MYO1D: variants seen among roughly 807,000 people sequenced by gnomAD.
MYO1D encodes the protein myosin ID.
MYO1D carries 83 observed loss-of-function variants against 122.0 expected under a neutral mutation model. That is an observed-to-expected ratio of 0.68 (90% CI 0.57 to 0.82). The LOEUF is 0.82. MYO1D is among the 40% of genes least tolerant of loss of function. The pLI, the probability that MYO1D is intolerant of heterozygous loss-of-function variation, is 0.00. For missense variants in MYO1D, 1,157 were observed against 1,269.5 expected (o/e 0.91, Z 1.35); for synonymous variants, 464 against 446.9 (o/e 1.04, Z -0.48).
At chr17:32,677,129 G>A (rs1397158216) in intron 16 of MYO1D, among the ~76,000 whole-genome samples, 2 of 152,008 alleles carry the variant, frequency 1.3e-5, no homozygotes, top group Non-Finnish European at 2.9e-5. Context: ...AAATTTTTAC[G>A]CAGGAATATC....
chr17:32,576,777 C>A (rs2087282385), intron 21 of MYO1D, among the ~76,000 whole-genome samples: 1 of 152,214 alleles, frequency 6.6e-6, no homozygotes, highest in South Asian at 2.1e-4. Context: ...TCGCCTCAGG[C>A]TCTCAAGTAG....
intron 16 of MYO1D, among the ~76,000 whole-genome samples, chr17:32,679,832 T>C (rs2088882044): frequency 1.3e-5 from 2 of 150,942 alleles, no homozygotes; most frequent in South Asian, 4.2e-4. Flanking sequence ...TGGCATTGAA[T>C]CTGTAAATGA....
chr17:32,603,070 T>TAAA (rs3040377), intron 21 of MYO1D, among the ~76,000 whole-genome samples: 4,809 of 148,446 alleles, frequency 0.032, 260 homozygotes, highest in African/African-American at 0.11. Flanking sequence ...CACCAAGAAT[T>TAAA]AAAAAAAAAA....
intron 21 of MYO1D, among the ~76,000 whole-genome samples, chr17:32,557,101 C>T (rs902785893): frequency 1.3e-5 from 2 of 150,518 alleles, no homozygotes; most frequent in African/African-American, 4.9e-5. Flanking sequence ...GTGCCTTTCA[C>T]TCGGCAGGCT....
chr17:32,844,349 A>C lies in MYO1D; in HGVS notation c.95+32429T>G, dbSNP rs545803229. 2.0e-5 allele frequency among the ~76,000 whole-genome samples: 3 copies of C among 146,674 alleles called. 1 individual carries two copies. In the South Asian group the frequency reaches 6.3e-4, roughly 31 times the overall value. On this transcript the variant is annotated intron_variant, in intron 1 of 21. Transcript: ENST00000318217. ...TATAATATGTATATGTATATATTAT[A>C]TGTGTATATATATTATATATAGTAT...
At chr17:32,565,703 A>G (rs2150892799) in intron 21 of MYO1D, among the ~76,000 whole-genome samples, 1 of 148,228 alleles carries the variant, frequency 6.7e-6, no homozygotes, top group African/African-American at 2.5e-5. Flanking sequence ...CTGAAGGTCA[A>G]TTCCACACAC....
At chr17:32,687,541 C>T (rs982605869) in intron 16 of MYO1D, among the ~76,000 whole-genome samples, 6 of 152,022 alleles carry the variant, frequency 3.9e-5, no homozygotes, top group South Asian at 2.1e-4. Flanking sequence ...CAGGATCTCA[C>T]CATGTTGCCC....
At chr17:32,799,454 A>G (rs1340527800) in intron 1 of MYO1D, among the ~76,000 whole-genome samples, 2 of 152,200 alleles carry the variant, frequency 1.3e-5, no homozygotes, top group Non-Finnish European at 2.9e-5. Flanking sequence ...TCTTCAATAA[A>G]TGGTGTTAGG....
chr17:32,842,811 C>A (rs1313450762), intron 1 of MYO1D, among the ~76,000 whole-genome samples: 1 of 152,010 alleles, frequency 6.6e-6, no homozygotes, highest in Non-Finnish European at 1.5e-5. Flanking sequence ...TAACCCAAAT[C>A]ACTATTTCTT....
chr17:32,874,880 A>C (rs1414694414), intron 1 of MYO1D, among the ~76,000 whole-genome samples: 1 of 151,944 alleles, frequency 6.6e-6, no homozygotes, highest in African/African-American at 2.4e-5. Flanking sequence ...TAAGAGACTT[A>C]ATGCTTTAAA....
At chr17:32,754,812 T>G (rs918479744) in intron 11 of MYO1D, among the ~76,000 whole-genome samples, 4 of 152,182 alleles carry the variant, frequency 2.6e-5, no homozygotes, top group African/African-American at 9.7e-5. Context: ...TGAACAAATA[T>G]TAATAGCAAA....
Position 32,653,959 on chromosome 17 carries a change from AG to A in MYO1D, c.2491-13del, listed in dbSNP as rs1210291859. On this transcript the variant is annotated splice_polypyrimidine_tract_variant and intron_variant, in intron 18 of 21. Coordinates refer to ENST00000318217, the MANE Select transcript of MYO1D (RefSeq NM_015194.3). ...GGTGTATCTGGCTTCTGAAAGAGAA[AG>A]GAAACAAGACAAAATGAGTATGCTT... 1.3e-6 allele frequency: 2 copies of A among 1,598,908 alleles called. No individual in the cohort carries two copies.
At chr17:32,595,493 G>A (rs1028450367) in intron 21 of MYO1D, among the ~76,000 whole-genome samples, 1 of 151,984 alleles carries the variant, frequency 6.6e-6, no homozygotes, top group African/African-American at 2.4e-5. Flanking sequence ...AGGAAAAGAG[G>A]TATTCATAAA....
At chr17:32,525,627 A>C (rs1220224472) in intron 21 of MYO1D, among the ~76,000 whole-genome samples, 1 of 152,158 alleles carries the variant, frequency 6.6e-6, no homozygotes, top group African/African-American at 2.4e-5. Flanking sequence ...GCTAGAAAGG[A>C]ACATTTATTT....
chr17:32,801,551 T>C (rs890705391), intron 1 of MYO1D, among the ~76,000 whole-genome samples: 2 of 152,286 alleles, frequency 1.3e-5, no homozygotes, highest in East Asian at 1.9e-4. Context: ...TTGAGGATAA[T>C]GGGAGCCCAG....
chr17:32,633,876 C>A (rs768547833), intron 20 of MYO1D, among the ~76,000 whole-genome samples: 18 of 152,160 alleles, frequency 1.2e-4, no homozygotes, highest in Non-Finnish European at 2.4e-4. Flanking sequence ...ACACCTCACA[C>A]GTTCTATCTT....
intron 19 of MYO1D, among the ~76,000 whole-genome samples, chr17:32,643,505 T>C (rs1385111859): frequency 1.3e-4 from 20 of 152,178 alleles, no homozygotes; most frequent in Admixed American, 1.2e-3. Flanking sequence ...ATGGTACCAG[T>C]TCCTCCTTCT....
intron 19 of MYO1D, among the ~76,000 whole-genome samples, chr17:32,641,534 G>C (rs1475456256): frequency 1.3e-5 from 2 of 152,176 alleles, no homozygotes; most frequent in Non-Finnish European, 2.9e-5. Context: ...GGTTGAACTA[G>C]TTTACAGTCC....
chr17:32,522,019 T>C (rs1197804515), intron 21 of MYO1D, among the ~76,000 whole-genome samples: 1 of 141,258 alleles, frequency 7.1e-6, no homozygotes, highest in Non-Finnish European at 1.5e-5. Context: ...CGGGCAGAAG[T>C]TGCAGTGGGC....
Sources: allele counts gnomAD v4.1 joint callset (sites outside exome capture counted in the v4.1 genomes callset), GRCh38; gene constraint gnomAD v4.1.1; transcripts MANE v1.5; gene names NCBI Gene and HGNC (gene_info 2026-07-23, HGNC 2026-07-21).